EFCAB6: variants seen among roughly 807,000 people sequenced by gnomAD.
The protein encoded by EFCAB6 is EF-hand calcium-binding domain-containing protein 6.
Under a neutral mutation model 169.8 loss-of-function variants are expected in EFCAB6, and 156 were observed. The ratio of observed to expected loss-of-function variants is 0.92; its 90% CI spans 0.81 to 1.05. The LOEUF is 1.05. Ranked by LOEUF, EFCAB6 falls within the 50% of genes least tolerant of loss-of-function variation. The pLI, the probability that EFCAB6 is intolerant of heterozygous loss-of-function variation, is 0.00. For synonymous variants in EFCAB6, 698 were observed against 676.4 expected, an observed-to-expected ratio of 1.03 and a Z score of -0.50; for missense variants, 1,800 against 1,829.1, an observed-to-expected ratio of 0.98 and a Z score of 0.29.
Position 43,537,591 on chromosome 22 carries a change from A to G in EFCAB6, c.3880-46T>C. ...AGGCTCTTTTCACTTAAGATTTAAAACGGAAGTCATCAAAAATACCTCAAT... is the reference window on the plus strand; with the variant it reads ...AGGCTCTTTTCACTTAAGATTTAAAGCGGAAGTCATCAAAAATACCTCAAT... On this transcript the variant is annotated intron_variant, in intron 28 of 31. Coordinates refer to ENST00000262726, the MANE Select transcript of EFCAB6 (RefSeq NM_022785.4). The surrounding 1 kb of genome is among the most constrained non-coding windows in gnomAD (Gnocchi z 4.3). 2 of 1,560,284 alleles carry G rather than the reference A, an allele frequency of 1.3e-6. No homozygotes were observed. The highest frequency in any genetic ancestry group is 1.7e-6 in the Non-Finnish European group (2 of 1,149,774).
At chr22:43,596,144 T>C (rs986158779) in intron 23 of EFCAB6, among the ~76,000 whole-genome samples, 1 of 152,086 alleles carries the variant, frequency 6.6e-6, no homozygotes, top group Non-Finnish European at 1.5e-5. Context: ...AATATGATAC[T>C]AACCAGGGAA....
intron 17 of EFCAB6, among the ~76,000 whole-genome samples, chr22:43,661,830 T>A (rs2057015998): frequency 6.6e-6 from 1 of 152,116 alleles, no homozygotes; most frequent in East Asian, 1.9e-4. Context: ...ATATAGTTCA[T>A]AGAGTTGGCT....
intron 24 of EFCAB6, among the ~76,000 whole-genome samples, chr22:43,581,402 C>CACCA (rs2050716389): frequency 6.8e-6 from 1 of 147,320 alleles, no homozygotes; most frequent in South Asian, 2.3e-4. Flanking sequence ...ATCGATGGCT[C>CACCA]AGCAAGGACA....
intron 25 of EFCAB6, among the ~76,000 whole-genome samples, chr22:43,579,987 G>A (rs1296967442): frequency 4.6e-5 from 7 of 152,250 alleles, no homozygotes; most frequent in East Asian, 1.9e-4. Context: ...TCCGTACACC[G>A]TCTAAAGCAC....
At chr22:43,630,142 A>T (rs1265464873) in intron 19 of EFCAB6, among the ~76,000 whole-genome samples, 4 of 152,186 alleles carry the variant, frequency 2.6e-5, no homozygotes, top group Non-Finnish European at 5.9e-5. Flanking sequence ...CTACCAAAAA[A>T]ATTCAAAAAA....
chr22:43,735,717 T>A, intron 7 of EFCAB6, 140 bp downstream of exon 7: 1 of 1,006,804 alleles, frequency 9.9e-7, no homozygotes, highest in Non-Finnish European at 1.5e-6. Context: ...GTCCAGTGAG[T>A]GCCTCTTTGA....
At chr22:43,640,004 C>T (rs1217307381) in intron 17 of EFCAB6, among the ~76,000 whole-genome samples, 1 of 152,066 alleles carries the variant, frequency 6.6e-6, no homozygotes, top group Non-Finnish European at 1.5e-5. Flanking sequence ...CTTATAATTT[C>T]TATTTCTCTG....
intron 16 of EFCAB6, among the ~76,000 whole-genome samples, chr22:43,668,179 C>T (rs1486539886): frequency 6.6e-6 from 1 of 152,146 alleles, no homozygotes; most frequent in Middle Eastern, 3.2e-3. Flanking sequence ...TTAAAATATT[C>T]CCATTGCTCT....
At chr22:43,559,068 G>A (rs2147104824) in intron 26 of EFCAB6, among the ~76,000 whole-genome samples, 1 of 152,292 alleles carries the variant, frequency 6.6e-6, no homozygotes, top group Non-Finnish European at 1.5e-5. Context: ...TATCATCAGA[G>A]TGAACAGGCA....
intron 26 of EFCAB6, among the ~76,000 whole-genome samples, chr22:43,562,490 G>T (rs934967947): frequency 6.9e-6 from 1 of 145,866 alleles, no homozygotes; most frequent in Non-Finnish European, 1.5e-5. Context: ...CTGCCCCAAC[G>T]CCACAAGTTC....
chr22:43,631,017 G>A (rs1323618620), intron 19 of EFCAB6, among the ~76,000 whole-genome samples: 1 of 152,042 alleles, frequency 6.6e-6, no homozygotes, highest in Non-Finnish European at 1.5e-5. Flanking sequence ...GTGGAAACGG[G>A]AGCCTGGTAA....
At chr22:43,760,213 A>AAAAAAAAAG (rs1556375811) in intron 5 of EFCAB6, among the ~76,000 whole-genome samples, 1 of 94,980 alleles carries the variant, frequency 1.1e-5, no homozygotes, top group Admixed American at 1.5e-4. Flanking sequence ...CAAAAAAAAA[A>AAAAAAAAAG]AAAAAAGAAA....
At chr22:43,547,778 A>G (rs1014386551) in intron 27 of EFCAB6, among the ~76,000 whole-genome samples, 5 of 150,148 alleles carry the variant, frequency 3.3e-5, no homozygotes, top group African/African-American at 1.2e-4. Context: ...AATCCAAAAT[A>G]AGATAATAAG....
chr22:43,685,295 C>T (rs748559192), intron 11 of EFCAB6, among the ~76,000 whole-genome samples: 6 of 151,700 alleles, frequency 4.0e-5, no homozygotes, highest in Non-Finnish European at 7.4e-5. Flanking sequence ...GGCGTGCCTG[C>T]GAGGGCGTTT....
intron 1 of EFCAB6, among the ~76,000 whole-genome samples, chr22:43,809,638 A>C (rs2063037544): frequency 6.6e-6 from 1 of 151,516 alleles, no homozygotes; most frequent in African/African-American, 2.4e-5. Context: ...ATGGAGTTTT[A>C]CTCTTGTTGC....
At chr22:43,612,403 G>T (rs888887593) in intron 21 of EFCAB6, among the ~76,000 whole-genome samples, 4 of 152,092 alleles carry the variant, frequency 2.6e-5, no homozygotes, top group Non-Finnish European at 5.9e-5. Context: ...ATCTAACAAA[G>T]GTCTAACATC....
chr22:43,595,014 G>GCT (rs2051887011), intron 23 of EFCAB6, among the ~76,000 whole-genome samples: 1 of 152,044 alleles, frequency 6.6e-6, no homozygotes, highest in Non-Finnish European at 1.5e-5. Context: ...TAAACAACAT[G>GCT]CTCCTGAATG....
intron 30 of EFCAB6, among the ~76,000 whole-genome samples, chr22:43,533,792 T>C (rs1442904971): frequency 6.6e-6 from 1 of 152,094 alleles, no homozygotes; most frequent in Non-Finnish European, 1.5e-5. Flanking sequence ...CACATGCGTA[T>C]AGAGATCATC....
chr22:43,544,913 G>A (rs2047959804), intron 27 of EFCAB6, among the ~76,000 whole-genome samples: 1 of 152,022 alleles, frequency 6.6e-6, no homozygotes, highest in African/African-American at 2.4e-5. Flanking sequence ...ACGAGGTCAG[G>A]AGATCGAGAC....
Sources: gnomAD v4.1 joint callset for allele counts (sites outside exome capture counted in the v4.1 genomes callset) on GRCh38, gnomAD v4.1.1 for gene constraint, Gnocchi (gnomAD v3.1) non-coding constraint, MANE v1.5 for transcripts, NCBI Gene and HGNC (gene_info 2026-07-23, HGNC 2026-07-21) for gene names.